ZNF568: variants seen among roughly 807,000 people sequenced by gnomAD.
The protein encoded by ZNF568 is zinc finger protein 568, also known as p53 inhibitor of SCO2 activation.
ZNF568 carries 11 observed loss-of-function variants against 18.1 expected under a neutral mutation model. The ratio of observed to expected loss-of-function variants is 0.61; its 90% CI spans 0.38 to 1.00. ZNF568 has a LOEUF of 1.00. ZNF568 is among the 50% of genes least tolerant of loss of function. The pLI is 0.01. For synonymous variants in ZNF568, 213 were observed against 246.6 expected, an observed-to-expected ratio of 0.86 and a Z score of 1.28; for missense variants, 639 against 768.2, an observed-to-expected ratio of 0.83 and a Z score of 1.99.
intron 6 of ZNF568, chr19:36,973,856 T>A (rs1177066508): frequency 1.3e-5 from 2 of 152,938 alleles, no homozygotes; most frequent in African/African-American, 4.8e-5. Flanking sequence ...GGGCGGGGTC[T>A]GCCCTGTGGA....
chr19:36,955,624 G>C (rs951861398), downstream of ZNF568, among the ~76,000 whole-genome samples: 1 of 152,094 alleles, frequency 6.6e-6, no homozygotes, highest in African/African-American at 2.4e-5. Context: ...TTCTTTTCCT[G>C]GACACACATG....
chr19:36,916,845 G>A lies in ZNF568; in HGVS notation c.-256+254G>A, dbSNP rs997009581. Among the ~76,000 whole-genome samples, 1 of 152,052 alleles carries A rather than the reference G, an allele frequency of 6.6e-6. No individual in the cohort carries two copies. Among genetic ancestry groups the A allele is most frequent in the African/African-American group, 2.4e-5 (1 of 41,402 alleles). On this transcript the variant is annotated intron_variant, in intron 1 of 6. Coordinates refer to ENST00000333987, the MANE Select transcript of ZNF568 (RefSeq NM_198539.4). The surrounding 1 kb of genome is among the most constrained non-coding windows in gnomAD (Gnocchi z 5.3). The stretch of plus-strand genomic sequence containing the variant: ...TGAGCTGGCTTTTCTGTAGCATTTG[G>A]CACAGTTGGTAACGGCTTGAAAAAC...
rs1033635669 is a variant in ZNF568 at position 36,916,991 on chromosome 19, C to T, written c.-256+400C>T. Among the ~76,000 whole-genome samples, 1 of 152,110 alleles carries T rather than the reference C, an allele frequency of 6.6e-6. No homozygotes were observed. The highest frequency in any genetic ancestry group is 6.5e-5 in the Admixed American group (1 of 15,274). ...TAATTTTCCACTATTCCTTGGCGAA[C>T]TTTTCAGGTTCATTATTATCTTATG... On this transcript the variant is annotated intron_variant, in intron 1 of 6. Transcript: ENST00000333987. The surrounding 1 kb of genome is among the most constrained non-coding windows in gnomAD (Gnocchi z 5.3).
chr19:36,934,181 A>G (rs2073747645), intron 4 of ZNF568, among the ~76,000 whole-genome samples: 1 of 150,834 alleles, frequency 6.6e-6, no homozygotes, highest in Middle Eastern at 3.5e-3. Flanking sequence ...CATTTTGTCA[A>G]TTTTTAGTTT....
Position 36,936,825 on chromosome 19 carries a change from T to C in ZNF568, c.215T>C (p.Leu72Ser), listed in dbSNP as rs183929029. The change falls in exon 5 of 7, where the codon TTG (leucine) becomes TCG (serine). Residue 72 changes from leucine to serine, a missense_variant. Physicochemically the swap from Leu to Ser is moderately radical, Grantham distance 145. Transcript: ENST00000333987. ...CAAATGAAACCTGCTCAAAGAAACTTGTATCGAGATGTGATGCTGGAGAAC... is the reference window on the plus strand; with the variant it reads ...CAAATGAAACCTGCTCAAAGAAACTCGTATCGAGATGTGATGCTGGAGAAC... ...WEQMKPAQRN[L>S]YRDVMLENYS... 6.2e-7 allele frequency: 1 copy of C among 1,613,864 alleles called. No individual in the cohort carries two copies. Among genetic ancestry groups the C allele is most frequent in the Non-Finnish European group, 8.5e-7 (1 of 1,179,800 alleles).
chr19:36,997,572 C>T, downstream of ZNF568: 1 of 1,578,752 alleles, frequency 6.3e-7, no homozygotes, highest in Non-Finnish European at 8.6e-7. Context: ...GTGGGAAGCC[C>T]TTTGGTGGTG....
intron 2 of ZNF568, among the ~76,000 whole-genome samples, chr19:36,988,536 GC>G (rs2074396216): frequency 6.6e-6 from 1 of 152,260 alleles, no homozygotes; most frequent in South Asian, 2.1e-4. Flanking sequence ...CTTTTAAACA[GC>G]CAGATCTCGT....
At chr19:36,991,184 G>A (rs1194940107) in exon 3 of ZNF568, 3 of 1,534,852 alleles carry the variant, frequency 2.0e-6, no homozygotes, top group South Asian at 1.2e-5. Flanking sequence ...AGGGCTTGAA[G>A]TTCAAAGATG....
At chr19:36,945,463 G>T (rs181355652) in intron 6 of ZNF568, among the ~76,000 whole-genome samples, 2 of 152,124 alleles carry the variant, frequency 1.3e-5, no homozygotes, top group South Asian at 4.2e-4. Flanking sequence ...TTTTCCTTAT[G>T]ATTATTGTAA....
intron 7 of ZNF568, chr19:36,974,484 T>C: frequency 6.5e-7 from 1 of 1,535,548 alleles, no homozygotes; most frequent in African/African-American, 1.4e-5. Context: ...GCATTTGACA[T>C]TTTCTTGGAA....
exon 8 of ZNF568, chr19:36,979,513 T>C (rs1332305108): frequency 2.6e-5 from 4 of 152,236 alleles, no homozygotes; most frequent in African/African-American, 7.2e-5. Flanking sequence ...CTTAACCATA[T>C]GTGTTTATTT....
intron 6 of ZNF568, among the ~76,000 whole-genome samples, chr19:36,972,675 C>T (rs2074245610): frequency 6.6e-6 from 1 of 152,244 alleles, no homozygotes; most frequent in African/African-American, 2.4e-5. Flanking sequence ...CGGGCCGACT[C>T]CTAATTCGTG....
At chr19:36,964,632 G>A (rs2074180651) in intron 6 of ZNF568, among the ~76,000 whole-genome samples, 1 of 152,094 alleles carries the variant, frequency 6.6e-6, no homozygotes, top group African/African-American at 2.4e-5. Context: ...GGGCAACATA[G>A]TGAGACCCTG....
intron 4 of ZNF568, among the ~76,000 whole-genome samples, chr19:36,935,539 G>C (rs996077830): frequency 6.9e-6 from 1 of 145,878 alleles, no homozygotes; most frequent in Non-Finnish European, 1.5e-5. Context: ...CAGCCTAGGC[G>C]ACAGACTGAG....
intron 6 of ZNF568, chr19:36,974,297 T>G (rs774610801): frequency 6.5e-5 from 48 of 741,914 alleles, no homozygotes; most frequent in Non-Finnish European, 1.0e-4. Context: ...CAGAGAGCGG[T>G]GGCGTTGCAG....
Position 36,922,581 on chromosome 19 carries a change from C to A in ZNF568, c.-185-5C>A. On this transcript the variant is annotated splice_polypyrimidine_tract_variant and splice_region_variant and intron_variant, in intron 2 of 6. Coordinates refer to ENST00000333987, the MANE Select transcript of ZNF568 (RefSeq NM_198539.4). ...GGTAAATTAGATTTATATCCTAATCCACAGGTCCTGGTTCCACAAGGATAA... is the reference window on the plus strand; with the variant it reads ...GGTAAATTAGATTTATATCCTAATCAACAGGTCCTGGTTCCACAAGGATAA... 1 of 449,196 alleles carries A rather than the reference C, an allele frequency of 2.2e-6. No homozygotes were observed. Among genetic ancestry groups the A allele is most frequent in the Non-Finnish European group, 4.0e-6 (1 of 252,074 alleles). The allele number at this position is 449,196 out of a possible 1,614,324, so 27.8% of individuals were successfully genotyped here. A position where few individuals can be genotyped will look rare whatever the true frequency, so the allele number is the denominator to read the frequency against.
At chr19:36,928,083 T>G (rs1453638114) in intron 4 of ZNF568, among the ~76,000 whole-genome samples, 4 of 149,252 alleles carry the variant, frequency 2.7e-5, no homozygotes, top group African/African-American at 9.9e-5. Flanking sequence ...CCTGGCTAAG[T>G]TTTTGCATTT....
chr19:36,933,941 T>G, intron 4 of ZNF568, among the ~76,000 whole-genome samples: 1 of 131,536 alleles, frequency 7.6e-6, no homozygotes, highest in African/African-American at 2.9e-5. Flanking sequence ...TTTTTTTTTT[T>G]TAGTAATTCA....
At chr19:36,991,364 T>A in intron 3 of ZNF568, 1 of 1,448,396 alleles carries the variant, frequency 6.9e-7, no homozygotes, top group Non-Finnish European at 9.1e-7. Context: ...CTTCTGGAAT[T>A]CTTATGTTCT....
Sources: gnomAD v4.1 joint callset for allele counts (sites outside exome capture counted in the v4.1 genomes callset) on GRCh38, gnomAD v4.1.1 for gene constraint, Gnocchi (gnomAD v3.1) non-coding constraint, MANE v1.5 for transcripts, NCBI Gene and HGNC (gene_info 2026-07-23, HGNC 2026-07-21) for gene names.